Variants in SLC39A11 observed in about 807,000 individuals in gnomAD.
SLC39A11 encodes the protein zinc transporter ZIP11.
In SLC39A11, 33 loss-of-function variants were observed where a neutral mutation model predicts 36.1. The ratio of observed to expected loss-of-function variants is 0.91; its 90% CI spans 0.69 to 1.22. The LOEUF (loss-of-function observed/expected upper bound fraction) is 1.22. SLC39A11 is among the 50% of genes most tolerant of loss of function. The pLI, the probability that SLC39A11 is intolerant of heterozygous loss-of-function variation, is 0.00. For missense variants in SLC39A11, 432 were observed against 430.3 expected (o/e 1.00, Z -0.03); for synonymous variants, 166 against 170.3 (o/e 0.97, Z 0.20).
Position 72,959,341 on chromosome 17 carries a change from A to G in SLC39A11, c.307-11466T>C, listed in dbSNP as rs1428158456. Among the ~76,000 whole-genome samples, 148 of 132,876 alleles carry G rather than the reference A, an allele frequency of 1.1e-3. 2 individuals are homozygous for G. The highest frequency in any genetic ancestry group is 3.8e-3 in the African/African-American group (125 of 32,932). The allele number at this position is 132,876 out of a possible 152,430, so 87.2% of individuals were successfully genotyped here. A position where few individuals can be genotyped will look rare whatever the true frequency, so the allele number is the denominator to read the frequency against. ...TGTGTGTGTGTATATATATATATAT[A>G]TATATATATATATATATATATATAT... On this transcript the variant is annotated intron_variant, in intron 4 of 9. Transcript: ENST00000255559.
intron 6 of SLC39A11, among the ~76,000 whole-genome samples, chr17:72,809,941 A>G (rs2077380918): frequency 6.6e-6 from 1 of 151,958 alleles, no homozygotes; most frequent in African/African-American, 2.4e-5. Context: ...GTGGGCACCT[A>G]TAATCCCAGC....
intron 3 of SLC39A11, among the ~76,000 whole-genome samples, chr17:73,081,660 C>CATAT (rs1568242755): frequency 3.7e-5 from 3 of 81,608 alleles, no homozygotes; most frequent in Admixed American, 1.4e-4. Flanking sequence ...CACACACACA[C>CATAT]ACACACACAC....
intron 6 of SLC39A11, among the ~76,000 whole-genome samples, chr17:72,769,999 C>T (rs943054287): frequency 6.6e-5 from 10 of 152,124 alleles, no homozygotes; most frequent in Admixed American, 6.5e-4. Flanking sequence ...AATATACCTC[C>T]TACATCTATT....
At chr17:72,701,488 G>A (rs572079335) in intron 7 of SLC39A11, among the ~76,000 whole-genome samples, 2 of 152,254 alleles carry the variant, frequency 1.3e-5, no homozygotes, top group South Asian at 2.1e-4. Context: ...CAGCACTTTG[G>A]GAGGCCGAAG....
At position 72,881,172 on chromosome 17, in the gene SLC39A11, A is replaced by T. The variant is rs550681179; in HGVS notation, c.431-31368T>A. Reference sequence around the variant, plus strand: ...CACTCCTTGGTATTTATCCCCCAAAAATGACATCATATGTCCACACAAAGA... The same window carrying T: ...CACTCCTTGGTATTTATCCCCCAAATATGACATCATATGTCCACACAAAGA... On this transcript the variant is annotated intron_variant, in intron 5 of 9. Transcript: ENST00000255559. Among the ~76,000 whole-genome samples the T allele has an allele frequency of 4.4e-3, 666 of 152,198 alleles. 4 individuals are homozygous for T. The highest frequency in any genetic ancestry group is 0.015 in the African/African-American group (639 of 41,512).
chr17:72,964,757 T>G (rs7220489), intron 4 of SLC39A11, among the ~76,000 whole-genome samples: 2 of 152,194 alleles, frequency 1.3e-5, no homozygotes, highest in South Asian at 4.1e-4. Flanking sequence ...ACTGGGTATA[T>G]ACCCAAAGGA....
Position 72,695,227 on chromosome 17 carries a change from C to G in SLC39A11, c.671+41423G>C, listed in dbSNP as rs1343384546. 5.3e-5 allele frequency among the ~76,000 whole-genome samples: 8 copies of G among 152,326 alleles called. No homozygotes were observed. In the East Asian group the frequency reaches 1.4e-3, roughly 26 times the overall value. ...GTGTCTCCTCCTCAAACAGAACCCT[C>G]TCTACCCCCACTCCTCCCTATCATG... On this transcript the variant is annotated intron_variant, in intron 7 of 9. Coordinates refer to ENST00000255559, the MANE Select transcript of SLC39A11 (RefSeq NM_139177.4).
intron 6 of SLC39A11, among the ~76,000 whole-genome samples, chr17:72,843,398 A>G (rs1217437703): frequency 3.3e-5 from 5 of 152,126 alleles, no homozygotes; most frequent in African/African-American, 1.2e-4. Flanking sequence ...CCCCAATGGT[A>G]TTGTTATTAG....
intron 7 of SLC39A11, among the ~76,000 whole-genome samples, chr17:72,722,836 G>A (rs1409284946): frequency 3.9e-5 from 6 of 151,920 alleles, no homozygotes; most frequent in East Asian, 1.9e-4. Context: ...GGGTTTTACT[G>A]TGTTTGCCAA....
chr17:72,950,136 G>A (rs1178382260), intron 4 of SLC39A11, among the ~76,000 whole-genome samples: 3 of 152,070 alleles, frequency 2.0e-5, no homozygotes, highest in Middle Eastern at 3.2e-3. Flanking sequence ...ATTCTCATTT[G>A]TCTAGACATC....
intron 5 of SLC39A11, among the ~76,000 whole-genome samples, chr17:72,913,094 C>T (rs1337002684): frequency 6.6e-6 from 1 of 151,768 alleles, no homozygotes; most frequent in Non-Finnish European, 1.5e-5. Flanking sequence ...GCCAAATGTC[C>T]AGAATATAAT....
At chr17:73,028,222 C>T (rs2058624054) in intron 4 of SLC39A11, among the ~76,000 whole-genome samples, 1 of 152,190 alleles carries the variant, frequency 6.6e-6, no homozygotes, top group Admixed American at 6.5e-5. Context: ...CCAAGAAGGG[C>T]AAACATCCTG....
intron 4 of SLC39A11, among the ~76,000 whole-genome samples, chr17:73,009,965 T>C (rs1008423573): frequency 7.4e-5 from 11 of 147,930 alleles, no homozygotes; most frequent in African/African-American, 2.7e-4. Context: ...ATACAACAAA[T>C]TTTTTAAGGA....
At chr17:72,792,974 A>G (rs984238778) in intron 6 of SLC39A11, among the ~76,000 whole-genome samples, 19 of 152,300 alleles carry the variant, frequency 1.2e-4, no homozygotes, top group Non-Finnish European at 2.1e-4. Context: ...GATGCTCCCT[A>G]CTGCCGGCGG....
intron 7 of SLC39A11, among the ~76,000 whole-genome samples, chr17:72,676,464 A>G (rs2071266737): frequency 6.6e-6 from 1 of 152,156 alleles, no homozygotes; most frequent in Non-Finnish European, 1.5e-5. Flanking sequence ...TGAAATTAGC[A>G]CATCGAAAGA....
At chr17:72,714,896 T>A (rs976151371) in intron 7 of SLC39A11, among the ~76,000 whole-genome samples, 1 of 152,212 alleles carries the variant, frequency 6.6e-6, no homozygotes, top group African/African-American at 2.4e-5. Flanking sequence ...AGTGAGAGGT[T>A]CATTTGTTTA....
intron 3 of SLC39A11, among the ~76,000 whole-genome samples, chr17:73,066,427 T>C (rs896164254): frequency 6.6e-6 from 1 of 152,242 alleles, no homozygotes; most frequent in Non-Finnish European, 1.5e-5. Flanking sequence ...TTTCTAACCA[T>C]ACTCCACATT....
intron 6 of SLC39A11, 43 bp downstream of exon 6, chr17:72,849,591 T>C: frequency 6.8e-7 from 1 of 1,462,698 alleles, no homozygotes; most frequent in Non-Finnish European, 9.1e-7. Context: ...CAAATGACTT[T>C]ACCTTCAGGC....
intron 7 of SLC39A11, among the ~76,000 whole-genome samples, chr17:72,689,628 T>G (rs1204674205): frequency 6.6e-6 from 1 of 152,254 alleles, no homozygotes; most frequent in African/African-American, 2.4e-5. Flanking sequence ...AATGAAGTGC[T>G]GATCTATGCC....
Sources: gnomAD v4.1 joint callset for allele counts (sites outside exome capture counted in the v4.1 genomes callset) on GRCh38, gnomAD v4.1.1 for gene constraint, MANE v1.5 for transcripts, NCBI Gene and HGNC (gene_info 2026-07-23, HGNC 2026-07-21) for gene names.